EYA2: variants seen among roughly 807,000 people sequenced by gnomAD.
EYA2 encodes EYA transcriptional coactivator and phosphatase 2.
A neutral mutation model predicts 69.2 loss-of-function variants in EYA2; 31 were observed. The observed-to-expected ratio is 0.45, with a 90% CI of 0.34 to 0.60. EYA2 has a LOEUF of 0.60. Among genes scored for constraint, EYA2 ranks in the 20% least tolerant of loss-of-function variants. The pLI, the probability that EYA2 is intolerant of heterozygous loss-of-function variation, is 0.02. For synonymous variants in EYA2, 257 were observed against 279.4 expected, an observed-to-expected ratio of 0.92 and a Z score of 0.80; for missense variants, 622 against 701.2, an observed-to-expected ratio of 0.89 and a Z score of 1.28.
At chr20:46,918,782 G>C (rs6018170) in intron 1 of EYA2, among the ~76,000 whole-genome samples, 2 of 152,138 alleles carry the variant, frequency 1.3e-5, no homozygotes, top group Admixed American at 1.3e-4. Flanking sequence ...TTTTCTAGAA[G>C]GTTTTCAATT....
intron 1 of EYA2, among the ~76,000 whole-genome samples, chr20:46,965,990 A>G (rs1161867218): frequency 6.6e-6 from 1 of 152,258 alleles, no homozygotes; most frequent in Non-Finnish European, 1.5e-5. Context: ...GCTGGTGCCC[A>G]TGGCGGCTGG....
At chr20:46,979,316 A>T (rs1216305942) in intron 1 of EYA2, among the ~76,000 whole-genome samples, 1 of 152,182 alleles carries the variant, frequency 6.6e-6, no homozygotes, top group Non-Finnish European at 1.5e-5. Flanking sequence ...AGGGGTGGTG[A>T]CAAGGGTAAC....
chr20:47,171,860 G>A (rs1279648447), intron 11 of EYA2, among the ~76,000 whole-genome samples: 1 of 152,154 alleles, frequency 6.6e-6, no homozygotes, highest in Non-Finnish European at 1.5e-5. Flanking sequence ...GGGAGCCCAA[G>A]GCGGGTGGAT....
intron 1 of EYA2, among the ~76,000 whole-genome samples, chr20:46,923,310 A>G (rs1454818754): frequency 6.6e-6 from 1 of 152,224 alleles, no homozygotes; most frequent in Non-Finnish European, 1.5e-5. Context: ...GGTTGCAGTG[A>G]GCCAAGATCG....
intron 8 of EYA2, among the ~76,000 whole-genome samples, chr20:47,096,637 C>T (rs1216967847): frequency 6.6e-6 from 1 of 152,126 alleles, no homozygotes; most frequent in Non-Finnish European, 1.5e-5. Flanking sequence ...GATATTGTCT[C>T]AAGTTGAAAA....
intron 1 of EYA2, among the ~76,000 whole-genome samples, chr20:46,959,586 G>C (rs566436475): frequency 6.6e-6 from 1 of 152,258 alleles, no homozygotes; most frequent in South Asian, 2.1e-4. Context: ...GCTTCCTCCT[G>C]CATCACTCTG....
At chr20:47,154,218 C>T (rs1028045536) in intron 10 of EYA2, among the ~76,000 whole-genome samples, 3 of 151,982 alleles carry the variant, frequency 2.0e-5, no homozygotes, top group Non-Finnish European at 4.4e-5. Context: ...AATGCATGTA[C>T]ATGGAGAGAG....
chr20:47,119,283 G>A (rs912996644), intron 9 of EYA2, among the ~76,000 whole-genome samples: 1 of 152,200 alleles, frequency 6.6e-6, no homozygotes, highest in Non-Finnish European at 1.5e-5. Flanking sequence ...GAAATAGGAG[G>A]TGTCCCCTCA....
intron 9 of EYA2, among the ~76,000 whole-genome samples, chr20:47,130,590 G>A (rs2146576581): frequency 6.6e-6 from 1 of 152,054 alleles, no homozygotes; most frequent in East Asian, 1.9e-4. Context: ...CTAAAAATAT[G>A]TATTTCAGTA....
intron 1 of EYA2, among the ~76,000 whole-genome samples, chr20:46,949,745 GGTTGGTAT>G: frequency 6.6e-6 from 1 of 152,240 alleles, no homozygotes; most frequent in Admixed American, 6.5e-5. Context: ...GTAGCTGTTA[GGTTGGTAT>G]GCATTTTAAG....
At chr20:46,959,414 G>C (rs1226279782) in intron 1 of EYA2, among the ~76,000 whole-genome samples, 1 of 152,186 alleles carries the variant, frequency 6.6e-6, no homozygotes, top group Non-Finnish European at 1.5e-5. Flanking sequence ...CTCTGGAATT[G>C]TGACAATCAA....
chr20:47,059,068 G>C (rs1219207240), intron 5 of EYA2, among the ~76,000 whole-genome samples: 3 of 152,192 alleles, frequency 2.0e-5, no homozygotes, highest in Non-Finnish European at 4.4e-5. Context: ...GATGGGGAAT[G>C]ACAGGAAACA....
At chr20:47,113,100 C>T (rs913033547) in intron 9 of EYA2, among the ~76,000 whole-genome samples, 3 of 151,812 alleles carry the variant, frequency 2.0e-5, no homozygotes, top group Non-Finnish European at 4.4e-5. Flanking sequence ...CTTGAACCCC[C>T]GACCTCAAGT....
chr20:47,107,864 G>A (rs774968710), intron 9 of EYA2, among the ~76,000 whole-genome samples: 48 of 152,136 alleles, frequency 3.2e-4, no homozygotes, highest in Admixed American at 5.9e-4. Flanking sequence ...AAGAGAAGTT[G>A]AAATTAAATT....
intron 1 of EYA2, among the ~76,000 whole-genome samples, chr20:46,930,243 C>T (rs1985608572): frequency 6.6e-6 from 1 of 152,184 alleles, no homozygotes; most frequent in Non-Finnish European, 1.5e-5. Flanking sequence ...CATGCATGTA[C>T]TATATGACCT....
intron 2 of EYA2, among the ~76,000 whole-genome samples, chr20:46,996,817 G>A (rs1034543083): frequency 6.6e-6 from 1 of 152,106 alleles, no homozygotes; most frequent in Non-Finnish European, 1.5e-5. Context: ...CATGGTGGAA[G>A]GCGAAGGGGA....
At chr20:47,174,371 T>C (rs1035746406) in intron 12 of EYA2, among the ~76,000 whole-genome samples, 13 of 152,222 alleles carry the variant, frequency 8.5e-5, no homozygotes, top group Non-Finnish European at 1.6e-4. Flanking sequence ...AAATGGAGAA[T>C]ACAAATACTT....
chr20:47,156,127 C>CACATATAT (rs2033938167), intron 10 of EYA2, among the ~76,000 whole-genome samples: 1 of 14,664 alleles, frequency 6.8e-5, no homozygotes, highest in Non-Finnish European at 1.2e-4. Context: ...CACACACACA[C>CACATATAT]ATATATATAT....
intron 9 of EYA2, among the ~76,000 whole-genome samples, chr20:47,135,818 C>CGAAAAAAAAAAAAAAAA (rs2033449844): frequency 3.0e-5 from 1 of 33,264 alleles, no homozygotes; most frequent in African/African-American, 1.3e-4. Flanking sequence ...CCTGTCTCTA[C>CGAAAAAAAAAAAAAAAA]AAAAAAAAAA....
Sources: gnomAD v4.1 joint callset for allele counts (sites outside exome capture counted in the v4.1 genomes callset) on GRCh38, gnomAD v4.1.1 for gene constraint, MANE v1.5 for transcripts, NCBI Gene and HGNC (gene_info 2026-07-23, HGNC 2026-07-21) for gene names.